ANKRD11: variants seen among roughly 807,000 people sequenced by gnomAD.
ANKRD11 encodes ankyrin repeat domain-containing protein 11.
ANKRD11 carries 17 observed loss-of-function variants against 195.7 expected under a neutral mutation model. The ratio of observed to expected loss-of-function variants is 0.09; its 90% confidence interval spans 0.06 to 0.13. ANKRD11 has a LOEUF of 0.13. Among genes scored for constraint, ANKRD11 ranks in the 10% least tolerant of loss-of-function variants. The probability of loss-of-function intolerance (pLI) is 1.00; values close to 1 mark genes in which losing one functional copy is unlikely to be tolerated. For missense variants in ANKRD11, 3,735 were observed against 3,566.1 expected (o/e 1.05, Z -1.21); for synonymous variants, 1,953 against 1,528.1 (o/e 1.28, Z -6.49).
intron 7 of ANKRD11, chr16:89,287,957 C>CTCGGTGGT: frequency 8.7e-6 from 4 of 459,932 alleles, no homozygotes; most frequent in South Asian, 5.5e-5. Context: ...TCAGTGAGAC[C>CTCGGTGGT]CGCCGCATCT....
At position 89,268,676 on chromosome 16, in the gene ANKRD11, C is replaced by T; in HGVS notation, c.7807-13G>A. On this transcript the variant is annotated splice_polypyrimidine_tract_variant and intron_variant, in intron 12 of 12. Transcript: ENST00000301030. Reference sequence around the variant, plus strand: ...TGAGGAGGCAAGTCTGCGGGACACACAGCGGGGAGAGGAGGGAGGAGGAGT... The same window carrying T: ...TGAGGAGGCAAGTCTGCGGGACACATAGCGGGGAGAGGAGGGAGGAGGAGT... 1 of 1,578,524 alleles carries T rather than the reference C, an allele frequency of 6.3e-7. No homozygotes were observed. The highest frequency in any genetic ancestry group is 8.6e-7 in the Non-Finnish European group (1 of 1,162,442).
At chr16:89,388,412 G>T (rs1409515266) in intron 2 of ANKRD11, among the ~76,000 whole-genome samples, 1 of 148,734 alleles carries the variant, frequency 6.7e-6, no homozygotes, top group Admixed American at 6.9e-5. Flanking sequence ...TTATAAGCGT[G>T]AGCCACCACG....
intron 2 of ANKRD11, among the ~76,000 whole-genome samples, chr16:89,349,134 TAA>T (rs59621400): frequency 6.0e-4 from 10 of 16,578 alleles, no homozygotes; most frequent in East Asian, 2.4e-3. Flanking sequence ...TCTCAAAAAG[TAA>T]AAAAAAAAAA....
At chr16:89,383,164 G>A (rs2040737940) in intron 2 of ANKRD11, among the ~76,000 whole-genome samples, 1 of 152,244 alleles carries the variant, frequency 6.6e-6, no homozygotes, top group Non-Finnish European at 1.5e-5. Context: ...AGCCGCCTGT[G>A]CTGCTGAGTA....
rs776243147 is a variant in ANKRD11, at chr16:89,280,377, G to C, written c.6165C>G (p.Pro2055=). The part of the protein sequence containing the change: ...PAAISTSEAA[P]YAPPSGLESF... ...ACTCCAGCCCGGAGGGAGGGGCGTA[G>C]GGAGCCGCCTCTGAGGTGGAGATGG... The change falls in exon 9 of 13, where the codon CCC becomes CCG. Residue 2055 remains proline (P), a synonymous_variant. Transcript: ENST00000301030. 1.6e-5 allele frequency: 25 copies of C among 1,563,274 alleles called. No individual in the cohort carries two copies. The highest frequency in any genetic ancestry group is 2.2e-5 in the Non-Finnish European group (25 of 1,155,750).
chr16:89,308,330 G>C (rs1303278695), intron 3 of ANKRD11, among the ~76,000 whole-genome samples: 2 of 152,240 alleles, frequency 1.3e-5, no homozygotes, highest in Admixed American at 6.5e-5. Flanking sequence ...AAAGGCCTGG[G>C]ATAAAATTCC....
intron 1 of ANKRD11, among the ~76,000 whole-genome samples, chr16:89,472,395 A>C (rs7197617): frequency 0.14 from 21,480 of 152,200 alleles, 1,759 homozygotes; most frequent in Middle Eastern, 0.2. Context: ...AGGGAGAAAA[A>C]AAACCGTCTC....
intron 1 of ANKRD11, among the ~76,000 whole-genome samples, chr16:89,442,103 C>T (rs746298572): frequency 1.3e-5 from 2 of 152,198 alleles, no homozygotes; most frequent in Non-Finnish European, 2.9e-5. Flanking sequence ...GGTCTGTGCA[C>T]AGTGAGCAGT....
chr16:89,410,697 A>G (rs1048112071), intron 2 of ANKRD11, among the ~76,000 whole-genome samples: 1 of 152,274 alleles, frequency 6.6e-6, no homozygotes, highest in African/African-American at 2.4e-5. Flanking sequence ...TCCATTTAGC[A>G]AAACGTCAAC....
rs1280621065 is a variant in ANKRD11 at position 89,268,535 on chromosome 16, G to C, written c.7935C>G (p.Pro2645=). 2.0e-5 allele frequency: 30 copies of C among 1,470,450 alleles called. No individual in the cohort carries two copies. Among genetic ancestry groups the C allele is most frequent in the Non-Finnish European group, 2.8e-5 (30 of 1,076,350 alleles). 91.1% of individuals were successfully genotyped at this position (1,470,450 alleles called of 1,614,324 possible). Residue 2645 remains proline (P), a synonymous_variant, in exon 13 of 13, where the codon CCC becomes CCG. Transcript: ENST00000301030. ...CGTCGACCATGGGCACGTAGAAGGA[G>C]GGCACCTCGTTCACGCACAGGGACT... ...GHKSLCVNEV[P]SFYVPMVDVN... is the part of the protein sequence containing the mutation.
chr16:89,279,847 C>A lies in ANKRD11; in HGVS notation c.6695G>T (p.Arg2232Leu). ...EAETVPEERA[R>L]GDPDSSVEPA... ...CTCCACGCTGGAGTCCGGATCCCCA[C>A]GGGCCCTCTCTTCCGGCACCGTCTC... The change falls in exon 9 of 13, where the codon CGT becomes CTT. Residue 2232 changes from arginine to leucine, a missense_variant. Coordinates refer to ENST00000301030, the MANE Select transcript of ANKRD11 (RefSeq NM_013275.6). This position sits in a 1 kb window ranked among gnomAD's most constrained non-coding sequence, Gnocchi z 5.6. 1 of 1,550,652 alleles carries A rather than the reference C, an allele frequency of 6.4e-7. No homozygotes were observed. The highest frequency in any genetic ancestry group is 8.7e-7 in the Non-Finnish European group (1 of 1,149,446).
intron 1 of ANKRD11, among the ~76,000 whole-genome samples, chr16:89,482,940 G>A (rs949743910): frequency 6.6e-6 from 1 of 152,194 alleles, no homozygotes; most frequent in African/African-American, 2.4e-5. Flanking sequence ...GAAGGAACCA[G>A]CCCTACCTAC....
chr16:89,426,297 A>C (rs1267046560), intron 1 of ANKRD11, among the ~76,000 whole-genome samples: 1 of 152,196 alleles, frequency 6.6e-6, no homozygotes, highest in African/African-American at 2.4e-5. Flanking sequence ...AGAAAGTGAC[A>C]CAAAAGCCAA....
intron 1 of ANKRD11, among the ~76,000 whole-genome samples, chr16:89,463,246 G>A (rs940018879): frequency 9.2e-5 from 14 of 152,238 alleles, no homozygotes; most frequent in African/African-American, 3.1e-4. Flanking sequence ...GGAAAGGTGG[G>A]GAAAAGATTG....
At chr16:89,343,115 A>C (rs1229372982) in intron 2 of ANKRD11, among the ~76,000 whole-genome samples, 1 of 152,110 alleles carries the variant, frequency 6.6e-6, no homozygotes, top group African/African-American at 2.4e-5. Flanking sequence ...CAGCCTCCCG[A>C]GTAGCTGGGA....
intron 3 of ANKRD11, among the ~76,000 whole-genome samples, chr16:89,309,637 C>T (rs1182615528): frequency 1.3e-5 from 2 of 152,216 alleles, no homozygotes. Context: ...GTGGCACAGC[C>T]ACCAGGAAGG....
Position 89,305,296 on chromosome 16 carries a change from C to T in ANKRD11, c.136G>A (p.Asp46Asn), listed in dbSNP as rs144947610. Residue 46 changes from aspartate to asparagine, a missense_variant, in exon 4 of 13, where the codon GAT becomes AAT. Coordinates refer to ENST00000301030, the MANE Select transcript of ANKRD11 (RefSeq NM_013275.6). Reference sequence around the variant, plus strand: ...CGCTCCCTCACCTCCTTCCCGCCATCGCCACGCTCCAGTTTTGGGGTCTTG... The same window carrying T: ...CGCTCCCTCACCTCCTTCCCGCCATTGCCACGCTCCAGTTTTGGGGTCTTG... ...LTKTPKLERG[D>N]GGKEVRERAS... 1.1e-4 allele frequency: 183 copies of T among 1,613,996 alleles called. 3 individuals carry two copies. The African/African-American group carries it at 2.0e-3, about 18-fold the overall frequency.
rs769501359 is a variant in ANKRD11, at chr16:89,280,955, C to T, written c.5587G>A (p.Asp1863Asn). The change falls in exon 9 of 13, where the codon GAC (aspartate) becomes AAC (asparagine). Residue 1863 changes from aspartate to asparagine, a missense_variant. Transcript: ENST00000301030. ...PDYGLPSPKV[D>N]ALHCPPAAVV... is the part of the protein sequence containing the mutation. ...GCAGCCGGTGGGCAGTGCAAAGCGT[C>T]GACTTTGGGCGACGGGAGGCCATAG... 9 of 1,572,648 alleles carry T rather than the reference C, an allele frequency of 5.7e-6. No homozygotes were observed. The East Asian group carries it at 1.1e-4, about 20-fold the overall frequency.
intron 2 of ANKRD11, among the ~76,000 whole-genome samples, chr16:89,404,123 A>G (rs1030282692): frequency 2.0e-5 from 3 of 152,232 alleles, no homozygotes; most frequent in African/African-American, 7.2e-5. Flanking sequence ...GTGAAGAATC[A>G]GGAGTCCTCT....
Sources: gnomAD v4.1 joint callset for allele counts (sites outside exome capture counted in the v4.1 genomes callset) on GRCh38, gnomAD v4.1.1 for gene constraint, Gnocchi (gnomAD v3.1) non-coding constraint, MANE v1.5 for transcripts, NCBI Gene and HGNC (gene_info 2026-07-23, HGNC 2026-07-21) for gene names.